Variants in SPATA7 observed in about 807,000 individuals in gnomAD.
SPATA7 encodes the protein spermatogenesis associated 7, also known as spermatogenesis-associated protein 7.
A neutral mutation model predicts 51.8 loss-of-function variants in SPATA7; 43 were observed. The ratio of observed to expected loss-of-function variants is 0.83; its 90% CI spans 0.65 to 1.07. The LOEUF (loss-of-function observed/expected upper bound fraction) is 1.07, where lower values mean the gene tolerates loss of function less well. Among genes scored for constraint, SPATA7 ranks in the 50% least tolerant of loss-of-function variants. The pLI is 0.00. For synonymous variants in SPATA7, 230 were observed against 252.8 expected, an observed-to-expected ratio of 0.91 and a Z score of 0.86; for missense variants, 683 against 701.3, an observed-to-expected ratio of 0.97 and a Z score of 0.30.
chr14:88,396,571 T>C (rs59985607), intron 4 of SPATA7, among the ~76,000 whole-genome samples: 7,674 of 152,240 alleles, frequency 0.05, 612 homozygotes, highest in African/African-American at 0.17. Flanking sequence ...AGCATGATGT[T>C]CTCAAGGTTC....
chr14:88,418,544 G>A (rs753186456), intron 5 of SPATA7, among the ~76,000 whole-genome samples: 4 of 151,566 alleles, frequency 2.6e-5, no homozygotes, highest in South Asian at 2.1e-4. Context: ...GTGTGATCTC[G>A]GCTCACTGCA....
chr14:88,451,289 C>G (rs1032843818), intron 3 of SPATA7, among the ~76,000 whole-genome samples: 1 of 151,974 alleles, frequency 6.6e-6, no homozygotes, highest in Non-Finnish European at 1.5e-5. Context: ...CCTATCTCAG[C>G]CTCCCGAGTA....
chr14:88,401,673 TA>T (rs981108387), intron 4 of SPATA7, among the ~76,000 whole-genome samples: 2 of 150,802 alleles, frequency 1.3e-5, no homozygotes, highest in Admixed American at 1.3e-4. Flanking sequence ...CTCTACAAAA[TA>T]AAAAAACTAA....
At chr14:88,411,672 C>T (rs894187761) in intron 4 of SPATA7, among the ~76,000 whole-genome samples, 4 of 152,126 alleles carry the variant, frequency 2.6e-5, no homozygotes, top group Non-Finnish European at 4.4e-5. Flanking sequence ...ACACCACACC[C>T]TGCTTCAGCT....
rs1372472205 is a variant in SPATA7, at chr14:88,385,747, G to A, written c.-72G>A. 6.8e-7 allele frequency: 1 copy of A among 1,472,720 alleles called. No homozygotes were observed. Among genetic ancestry groups the A allele is most frequent in the Non-Finnish European group, 9.4e-7 (1 of 1,067,386 alleles). The allele number at this position is 1,472,720 out of a possible 1,614,324, so 91.2% of individuals were successfully genotyped here. ...CTCTTTTCCAGTCCTCCACTGCCGG[G>A]GCTGGGCCCGGCCGCGGGAAGGACC... On this transcript the variant is annotated 5_prime_UTR_variant, in exon 1 of 12. Transcript: ENST00000393545.
At chr14:88,455,025 C>G (rs911774210) in intron 3 of SPATA7, 5 of 454,842 alleles carry the variant, frequency 1.1e-5, no homozygotes, top group African/African-American at 2.0e-5. Context: ...ATATTTAGAT[C>G]TGGGTCAAGG....
At position 88,437,941 on chromosome 14, in the gene SPATA7, A is replaced by G. The variant is rs1426327363; in HGVS notation, c.1319A>G (p.Asp440Gly). The part of the protein sequence containing the change: ...QNDVDMLNVF[D>G]FEKAGNSEPN... ...GATGTTGATATGTTGAATGTATTTG[A>G]TTTTGAAAAGGCTGGGAATTCAGAA... is the stretch of plus-strand genomic sequence containing the variant. The change falls in exon 12 of 12, where the codon GAT becomes GGT. Residue 440 changes from aspartate (D) to glycine (G), a missense_variant. Coordinates refer to ENST00000393545, the MANE Select transcript of SPATA7 (RefSeq NM_018418.5). 29 of 1,613,972 alleles carry G rather than the reference A, an allele frequency of 1.8e-5. No homozygotes were observed. The highest frequency in any genetic ancestry group is 2.5e-5 in the Non-Finnish European group (29 of 1,179,958).
intron 8 of SPATA7, 57 bp downstream of exon 8, chr14:88,429,520 C>CA: frequency 9.0e-7 from 1 of 1,113,336 alleles, no homozygotes; most frequent in Non-Finnish European, 1.4e-6. Flanking sequence ...TCTTGTATAA[C>CA]AGACATATAG....
At chr14:88,460,165 G>A (rs2077308529), downstream of SPATA7, among the ~76,000 whole-genome samples, 2 of 152,024 alleles carry the variant, frequency 1.3e-5, no homozygotes, top group East Asian at 1.9e-4. Flanking sequence ...TTCAACTTTG[G>A]TGAATCTGAC....
intron 10 of SPATA7, among the ~76,000 whole-genome samples, chr14:88,433,683 C>T (rs568944023): frequency 1.3e-5 from 2 of 152,220 alleles, no homozygotes; most frequent in South Asian, 2.1e-4. Flanking sequence ...TATTGCATAG[C>T]TTAAGGAAAC....
At chr14:88,397,655 A>G (rs1197088770) in intron 4 of SPATA7, among the ~76,000 whole-genome samples, 1 of 151,954 alleles carries the variant, frequency 6.6e-6, no homozygotes, top group Non-Finnish European at 1.5e-5. Flanking sequence ...AAAAAAAAAA[A>G]AAAGGAAAAA....
At chr14:88,450,175 T>A (rs904309181) in intron 3 of SPATA7, among the ~76,000 whole-genome samples, 2 of 151,976 alleles carry the variant, frequency 1.3e-5, no homozygotes, top group Non-Finnish European at 2.9e-5. Context: ...TTTACCTAAG[T>A]TTATGTGAGT....
At chr14:88,445,162 G>A (rs1429411427) in intron 3 of SPATA7, among the ~76,000 whole-genome samples, 3 of 151,438 alleles carry the variant, frequency 2.0e-5, no homozygotes, top group Non-Finnish European at 4.4e-5. Flanking sequence ...TTATTTCCTT[G>A]AGCAGTGGTT....
chr14:88,403,224 A>T lies in SPATA7; in HGVS notation c.238+7021A>T, dbSNP rs962094289. Among the ~76,000 whole-genome samples, 8 of 152,194 alleles carry T rather than the reference A, an allele frequency of 5.3e-5. No individual in the cohort carries two copies. In the East Asian group the frequency reaches 9.6e-4, roughly 18 times the overall value. On this transcript the variant is annotated intron_variant, in intron 4 of 11. Coordinates refer to ENST00000393545, the MANE Select transcript of SPATA7 (RefSeq NM_018418.5). ...GAACACTTGTGCACTGTTGCTAGGA[A>T]TGTAAGTTGGTACAGCCATTAGGCA...
chr14:88,438,254 T>C lies in SPATA7; in HGVS notation c.1632T>C (p.Asp544=). The change falls in exon 12 of 12, where the codon GAT becomes GAC. Residue 544 remains aspartate, a synonymous_variant. Coordinates refer to ENST00000393545, the MANE Select transcript of SPATA7 (RefSeq NM_018418.5). ...CTTCTGTGAATGTCATTGAAGGTGA[T>C]AGTGACCCTGAAAAGGTTGAGATTT... ...RETSVNVIEG[D]SDPEKVEISN... 8.7e-6 allele frequency: 14 copies of C among 1,614,134 alleles called. No homozygotes were observed. Among genetic ancestry groups the C allele is most frequent in the Non-Finnish European group, 1.1e-5 (13 of 1,180,004 alleles).
At chr14:88,452,940 G>A (rs2077261995) in intron 3 of SPATA7, among the ~76,000 whole-genome samples, 1 of 152,066 alleles carries the variant, frequency 6.6e-6, no homozygotes, top group African/African-American at 2.4e-5. Context: ...CCATGTATCT[G>A]CTCAGGGTAT....
rs996186010 is a variant in SPATA7, at chr14:88,396,178, A to C, written c.213A>C (p.Pro71=). The change falls in exon 4 of 12, where the codon CCA becomes CCC. Residue 71 remains proline (P), a synonymous_variant. Transcript: ENST00000393545. ...CAGCTGCAGTAGACTGCTCGGTTCC[A>C]GTAAGCGTGAGTACCAGCATAAAGT... ...SAKAAVDCSV[P]VSVSTSIKYA... is the part of the protein sequence containing the mutation. 1.2e-6 allele frequency: 2 copies of C among 1,610,724 alleles called. No individual in the cohort carries two copies. Among genetic ancestry groups the C allele is most frequent in the Non-Finnish European group, 1.7e-6 (2 of 1,178,146 alleles).
At chr14:88,415,233 G>A in intron 4 of SPATA7, 1 of 355,228 alleles carries the variant, frequency 2.8e-6, no homozygotes, top group Non-Finnish European at 5.9e-6. Context: ...GAATCTGGGT[G>A]CTCCAGTGTT....
At chr14:88,419,701 A>G (rs1222202796) in intron 5 of SPATA7, among the ~76,000 whole-genome samples, 1 of 151,588 alleles carries the variant, frequency 6.6e-6, no homozygotes, top group Admixed American at 6.6e-5. Context: ...AATTTTTTGT[A>G]TTTTTAGTAG....
Sources: allele counts gnomAD v4.1 joint callset (sites outside exome capture counted in the v4.1 genomes callset), GRCh38; gene constraint gnomAD v4.1.1; transcripts MANE v1.5; gene names NCBI Gene and HGNC (gene_info 2026-07-23, HGNC 2026-07-21).